Variants in BCL11A observed in about 807,000 individuals in gnomAD.
The protein encoded by BCL11A is B cell CLL/lymphoma 11A.
In BCL11A, 2 loss-of-function variants were observed where a neutral mutation model predicts 55.9. The observed-to-expected ratio is 0.04, with a 90% CI of 0.01 to 0.11. The LOEUF is 0.11. Among genes scored for constraint, BCL11A ranks in the 10% least tolerant of loss-of-function variants. The pLI, the probability that BCL11A is intolerant of heterozygous loss-of-function variation, is 1.00. For synonymous variants in BCL11A, 465 were observed against 473.4 expected (o/e 0.98, Z 0.23); for missense variants, 817 against 1,137.1 (o/e 0.72, Z 4.05).
intron 2 of BCL11A, among the ~76,000 whole-genome samples, chr2:60,502,069 C>T (rs114710498): frequency 2.4e-3 from 362 of 152,320 alleles, no homozygotes; most frequent in African/African-American, 8.4e-3. Flanking sequence ...ATATGCCTCA[C>T]TCCACAGAGA....
Position 60,546,134 on chromosome 2 carries a change from G to T in BCL11A, c.222C>A (p.Ser74Arg), listed in dbSNP as rs764771964. 1.2e-6 allele frequency: 2 copies of T among 1,614,176 alleles called. No homozygotes were observed. Among genetic ancestry groups the T allele is most frequent in the Non-Finnish European group, 1.7e-6 (2 of 1,180,036 alleles). The change falls in exon 2 of 4, where the codon AGC (serine) becomes AGA (arginine). Residue 74 changes from serine to arginine, a missense_variant. Physicochemically the swap from Ser to Arg is moderately radical, Grantham distance 110 (BLOSUM62 -1). Coordinates refer to ENST00000642384, the MANE Select transcript of BCL11A (RefSeq NM_022893.4). This position sits in a 1 kb window ranked among gnomAD's most constrained non-coding sequence, Gnocchi z 4.1. The stretch of plus-strand genomic sequence containing the variant: ...TATCCACAGCTTTTTCTAAGCAGAG[G>T]CTGCCATTGCATTGTTTCCGTTTGT... ...IEHKRKQCNG[S>R]LCLEKAVDKP...
intron 2 of BCL11A, among the ~76,000 whole-genome samples, chr2:60,501,490 T>G (rs1679276306): frequency 6.6e-6 from 1 of 150,938 alleles, no homozygotes; most frequent in Non-Finnish European, 1.5e-5. Context: ...CTTTTGCAAG[T>G]ACTGACACCG....
chr2:60,471,210 C>G (rs985102228), intron 2 of BCL11A, among the ~76,000 whole-genome samples: 1 of 152,246 alleles, frequency 6.6e-6, no homozygotes, highest in African/African-American at 2.4e-5. Flanking sequence ...CTGGCCTCAC[C>G]TTTGCTGTGT....
downstream of BCL11A, among the ~76,000 whole-genome samples, chr2:60,454,321 T>C (rs570637620): frequency 3.7e-4 from 57 of 152,324 alleles, no homozygotes; most frequent in Non-Finnish European, 7.1e-4. Context: ...AGGAGACAAC[T>C]AGGAAAATCT....
intron 2 of BCL11A, chr2:60,500,035 C>G (rs1679192687): frequency 6.5e-6 from 1 of 152,732 alleles, no homozygotes; most frequent in African/African-American, 2.4e-5. Context: ...TGTCTCCTGT[C>G]TGCTCTACTG....
chr2:60,511,047 C>T (rs530433217), intron 2 of BCL11A, among the ~76,000 whole-genome samples: 1 of 152,360 alleles, frequency 6.6e-6, no homozygotes, highest in East Asian at 1.9e-4. Flanking sequence ...CCCACTGGGG[C>T]TGTGCAGCCA....
intron 2 of BCL11A, among the ~76,000 whole-genome samples, chr2:60,471,868 T>C (rs1440861540): frequency 6.6e-6 from 1 of 152,174 alleles, no homozygotes; most frequent in Non-Finnish European, 1.5e-5. Context: ...ACTTACTGAA[T>C]CAGAAATTGA....
At chr2:60,509,310 C>T (rs1157991954) in intron 2 of BCL11A, among the ~76,000 whole-genome samples, 1 of 152,184 alleles carries the variant, frequency 6.6e-6, no homozygotes. Context: ...CCACTTCTTT[C>T]CAGAAATGGG....
chr2:60,515,573 T>C (rs553340531), intron 2 of BCL11A, among the ~76,000 whole-genome samples: 6 of 152,308 alleles, frequency 3.9e-5, no homozygotes, highest in Non-Finnish European at 7.4e-5. Flanking sequence ...GAGTCAGGCC[T>C]TCCTAGTTAC....
chr2:60,456,870 A>T (rs939028912), downstream of BCL11A, among the ~76,000 whole-genome samples: 1 of 152,168 alleles, frequency 6.6e-6, no homozygotes, highest in African/African-American at 2.4e-5. Context: ...AAAGTTTAAG[A>T]TGCTATTACC....
intron 2 of BCL11A, among the ~76,000 whole-genome samples, chr2:60,486,789 C>A (rs1437902252): frequency 6.6e-6 from 1 of 152,162 alleles, no homozygotes. Flanking sequence ...CTGAGAATGA[C>A]CACATCCCTT....
At chr2:60,464,288 A>C (rs1676479645) in intron 3 of BCL11A, among the ~76,000 whole-genome samples, 1 of 152,252 alleles carries the variant, frequency 6.6e-6, no homozygotes, top group Non-Finnish European at 1.5e-5. Flanking sequence ...CATTAGTATC[A>C]CATTATCTGC....
intron 2 of BCL11A, chr2:60,533,838 A>AT (rs1669559956): frequency 6.6e-6 from 1 of 152,218 alleles, no homozygotes; most frequent in Admixed American, 6.5e-5. Context: ...TCCCAGCTGA[A>AT]TATTAACAAC....
chr2:60,538,733 CTCTCTCTGTGTGTGTGTGTGTGTGTG>C (rs1449664658), intron 2 of BCL11A, among the ~76,000 whole-genome samples: 3 of 64,284 alleles, frequency 4.7e-5, no homozygotes, highest in African/African-American at 1.2e-4. Flanking sequence ...CTCTCTCTCT[CTCTCTCTGTGTGTGTGTGTGTGTGTG>C]TGTGTGTGTG....
chr2:60,543,694 G>C (rs1206370173), intron 2 of BCL11A: 1 of 152,196 alleles, frequency 6.6e-6, no homozygotes, highest in Non-Finnish European at 1.5e-5. Context: ...TGTTCAGCCA[G>C]TTCCAGGGTG....
chr2:60,460,770 G>T lies in BCL11A; in HGVS notation c.2142C>A (p.Ser714Arg), dbSNP rs1676206962. ...GCGTGCTCCCTCCACTTCCCGTGCC[G>T]CTGCGCCCCGAGATCCCTCCGTCCA... ...GELDGGISGR[S>R]GTGSGGSTPH... The change falls in exon 4 of 4, where the codon AGC (serine) becomes AGA (arginine). Residue 714 changes from serine to arginine, a missense_variant. Coordinates refer to ENST00000642384, the MANE Select transcript of BCL11A (RefSeq NM_022893.4). 6.2e-7 allele frequency: 1 copy of T among 1,613,418 alleles called. No homozygotes were observed.
At chr2:60,552,911 T>C in intron 1 of BCL11A, among the ~76,000 whole-genome samples, 1 of 151,752 alleles carries the variant, frequency 6.6e-6, no homozygotes, top group East Asian at 1.9e-4. Context: ...AGTGGAATCA[T>C]TGCATTCCTT....
intron 2 of BCL11A, chr2:60,534,639 C>T (rs375321175): frequency 1.3e-5 from 2 of 152,188 alleles, no homozygotes; most frequent in African/African-American, 4.8e-5. Context: ...CTGTACTTAA[C>T]GTTAAAAGAA....
chr2:60,507,213 A>C, intron 2 of BCL11A, among the ~76,000 whole-genome samples: 1 of 65,722 alleles, frequency 1.5e-5, no homozygotes, highest in Admixed American at 1.4e-4. Flanking sequence ...GAAGAAAGGA[A>C]GGAAGGAAGG....
Sources: gnomAD v4.1 joint callset for allele counts (sites outside exome capture counted in the v4.1 genomes callset) on GRCh38, gnomAD v4.1.1 for gene constraint, Gnocchi (gnomAD v3.1) non-coding constraint, MANE v1.5 for transcripts, NCBI Gene and HGNC (gene_info 2026-07-23, HGNC 2026-07-21) for gene names.